NRXN3: variants seen among roughly 807,000 people sequenced by gnomAD.
NRXN3 encodes neurexin 3, also known as neurexin III.
NRXN3 carries 32 observed loss-of-function variants against 137.6 expected under a neutral mutation model. That is an observed-to-expected ratio of 0.23 (90% CI 0.18 to 0.31). NRXN3 has a LOEUF of 0.31. NRXN3 is among the 10% of genes least tolerant of loss of function. The probability of loss-of-function intolerance (pLI) is 1.00; values close to 1 mark genes in which losing one functional copy is unlikely to be tolerated. For missense variants in NRXN3, 1,574 were observed against 2,062.5 expected (o/e 0.76, Z 4.59); for synonymous variants, 798 against 784.5 (o/e 1.02, Z -0.29).
intron 4 of NRXN3, among the ~76,000 whole-genome samples, chr14:78,616,957 A>G (rs1011106426): frequency 1.3e-5 from 2 of 152,190 alleles, no homozygotes; most frequent in African/African-American, 4.8e-5. Context: ...CCCAAGTTGC[A>G]TTATCGACTT....
intron 15 of NRXN3, among the ~76,000 whole-genome samples, chr14:79,423,164 A>G (rs1600087376): frequency 6.6e-6 from 1 of 152,274 alleles, no homozygotes; most frequent in East Asian, 1.9e-4. Context: ...GCTCATGGCC[A>G]GGGGTAAAAT....
intron 4 of NRXN3, among the ~76,000 whole-genome samples, chr14:78,350,946 G>A (rs1481329959): frequency 6.7e-6 from 1 of 149,224 alleles, no homozygotes; most frequent in African/African-American, 2.5e-5. Context: ...TGTATCTTAT[G>A]TACTTCAGAT....
chr14:78,201,537 T>A (rs2061677187), intron 1 of NRXN3, among the ~76,000 whole-genome samples: 1 of 152,138 alleles, frequency 6.6e-6, no homozygotes, highest in South Asian at 2.1e-4. Flanking sequence ...GGGGCAGTGG[T>A]GAAGGAGCAA....
At chr14:79,073,353 A>G (rs1253920223) in intron 15 of NRXN3, among the ~76,000 whole-genome samples, 1 of 152,186 alleles carries the variant, frequency 6.6e-6, no homozygotes, top group East Asian at 1.9e-4. Flanking sequence ...GCATCTAGAT[A>G]TTGCCTTTAC....
chr14:79,410,706 A>G (rs2095405213), intron 15 of NRXN3, among the ~76,000 whole-genome samples: 1 of 152,056 alleles, frequency 6.6e-6, no homozygotes, highest in South Asian at 2.1e-4. Flanking sequence ...AAGTTTATTC[A>G]TTGCCGATTA....
At chr14:79,463,800 C>T (rs1358483518) in intron 15 of NRXN3, among the ~76,000 whole-genome samples, 1 of 151,990 alleles carries the variant, frequency 6.6e-6, no homozygotes, top group Admixed American at 6.5e-5. Context: ...AAGTACGAGG[C>T]TCAGGGGAGA....
chr14:79,093,069 G>A (rs1009663633), intron 15 of NRXN3, among the ~76,000 whole-genome samples: 1 of 152,170 alleles, frequency 6.6e-6, no homozygotes, highest in African/African-American at 2.4e-5. Flanking sequence ...TCATAGGGCA[G>A]ACAGTGAACA....
chr14:79,689,329 G>A (rs189368289), intron 17 of NRXN3, among the ~76,000 whole-genome samples: 19 of 152,132 alleles, frequency 1.2e-4, no homozygotes, highest in African/African-American at 3.6e-4. Context: ...GGTTGTTTGC[G>A]CTTCAGTCAA....
intron 16 of NRXN3, among the ~76,000 whole-genome samples, chr14:79,611,077 T>G (rs909758500): frequency 6.6e-6 from 1 of 152,188 alleles, no homozygotes; most frequent in Admixed American, 6.5e-5. Flanking sequence ...CGTCAACTTT[T>G]GGAAAGTCAA....
At chr14:78,622,866 TAAGCTCTTTTG>T in intron 4 of NRXN3, among the ~76,000 whole-genome samples, 1 of 152,228 alleles carries the variant, frequency 6.6e-6, no homozygotes. Context: ...GGTTTTGTAT[TAAGCTCTTTTG>T]AAGTAACTGA....
intron 15 of NRXN3, among the ~76,000 whole-genome samples, chr14:79,173,530 CAA>C (rs57188919): frequency 0.06 from 5,450 of 91,118 alleles, 99 homozygotes; most frequent in Middle Eastern, 0.097. Flanking sequence ...GACCTTGTCT[CAA>C]AAAAAAAAAA....
chr14:78,224,746 G>A (rs1596084897), intron 1 of NRXN3, among the ~76,000 whole-genome samples: 1 of 109,028 alleles, frequency 9.2e-6, no homozygotes, highest in East Asian at 3.6e-4. Context: ...ACGTGTGCAT[G>A]TGTCTTTTTT....
chr14:78,384,174 C>G (rs1343817222), intron 4 of NRXN3, among the ~76,000 whole-genome samples: 2 of 152,146 alleles, frequency 1.3e-5, no homozygotes, highest in Non-Finnish European at 1.5e-5. Flanking sequence ...GAAGGAGGAA[C>G]CTGGCCAGAT....
At chr14:79,626,558 A>G (rs1209967756) in intron 16 of NRXN3, among the ~76,000 whole-genome samples, 3 of 152,224 alleles carry the variant, frequency 2.0e-5, no homozygotes, top group Admixed American at 6.5e-5. Flanking sequence ...ACATCTTTAG[A>G]TCAAAAACTC....
chr14:79,247,441 C>T (rs1050974802), intron 15 of NRXN3: 4 of 152,176 alleles, frequency 2.6e-5, no homozygotes, highest in African/African-American at 9.7e-5. Flanking sequence ...CCCCACTTCA[C>T]AAGTCCACTT....
intron 16 of NRXN3, among the ~76,000 whole-genome samples, chr14:79,521,851 T>A (rs2097068590): frequency 6.6e-6 from 1 of 152,186 alleles, no homozygotes; most frequent in African/African-American, 2.4e-5. Flanking sequence ...TTTTGGTTGA[T>A]CAAAGTCATT....
chr14:79,334,147 T>C (rs1471833130), intron 15 of NRXN3, among the ~76,000 whole-genome samples: 1 of 152,200 alleles, frequency 6.6e-6, no homozygotes, highest in Non-Finnish European at 1.5e-5. Flanking sequence ...CAATATAAAC[T>C]TCTTGCCTTT....
At chr14:78,514,981 T>C (rs2096179468) in intron 4 of NRXN3, among the ~76,000 whole-genome samples, 1 of 152,154 alleles carries the variant, frequency 6.6e-6, no homozygotes, top group Admixed American at 6.6e-5. Context: ...TGCTCTGTAG[T>C]GCACTTGGAA....
At chr14:79,836,378 C>A (rs936440418) in intron 20 of NRXN3, among the ~76,000 whole-genome samples, 13 of 152,096 alleles carry the variant, frequency 8.5e-5, no homozygotes, top group African/African-American at 1.4e-4. Context: ...ACATTTAATG[C>A]ACTTTAAAGT....
Sources: gnomAD v4.1 joint callset for allele counts (sites outside exome capture counted in the v4.1 genomes callset) on GRCh38, gnomAD v4.1.1 for gene constraint, MANE v1.5 for transcripts, NCBI Gene and HGNC (gene_info 2026-07-23, HGNC 2026-07-21) for gene names.